Variants in MAPK8IP3 observed in about 807,000 individuals in gnomAD.
MAPK8IP3 encodes the protein C-Jun-amino-terminal kinase-interacting protein 3.
Under a neutral mutation model 157.8 loss-of-function variants are expected in MAPK8IP3, and 49 were observed. That is an observed-to-expected ratio of 0.31 (90% CI 0.25 to 0.39). The LOEUF is 0.39. Among genes scored for constraint, MAPK8IP3 ranks in the 10% least tolerant of loss-of-function variants. MAPK8IP3 has a pLI of 1.00. For missense variants in MAPK8IP3, 1,478 were observed against 1,889.4 expected (o/e 0.78, Z 4.04); for synonymous variants, 897 against 777.7 (o/e 1.15, Z -2.55).
chr16:1,759,119 GC>G, intron 10 of MAPK8IP3, 124 bp downstream of exon 10: 1 of 1,301,072 alleles, frequency 7.7e-7, no homozygotes, highest in East Asian at 2.4e-5. Context: ...GGTCAGGGGG[GC>G]AGCCCTGAGT....
chr16:1,757,913 C>T (rs2041707136), intron 8 of MAPK8IP3, among the ~76,000 whole-genome samples: 1 of 152,246 alleles, frequency 6.6e-6, no homozygotes, highest in Non-Finnish European at 1.5e-5. Context: ...GGCTCGGCAA[C>T]ACAGCCCTGG....
At chr16:1,759,072 T>C in intron 10 of MAPK8IP3, 77 bp downstream of exon 10, 2 of 1,584,772 alleles carry the variant, frequency 1.3e-6, no homozygotes, top group Non-Finnish European at 8.7e-7. Flanking sequence ...GCCGTTTGCT[T>C]TGTTCTGCAT....
chr16:1,767,170 A>G lies in MAPK8IP3; in HGVS notation c.3110A>G (p.Asn1037Ser), dbSNP rs1204259108. 6.2e-7 allele frequency: 1 copy of G among 1,613,180 alleles called. No individual in the cohort carries two copies. Among genetic ancestry groups the G allele is most frequent in the Non-Finnish European group, 8.5e-7 (1 of 1,180,000 alleles). The change falls in exon 26 of 32, where the codon AAC becomes AGC. Residue 1037 changes from asparagine (N) to serine (S), a missense_variant. Transcript: ENST00000610761. ...RGEDGQWDLSNYHLMDLGHPH... is the reference protein window; with the variant it reads ...RGEDGQWDLSSYHLMDLGHPH... ...CCAGATGGCCAGTGGGATCTGAGCA[A>G]CTATCACCTAATGGACCTGGGCCAC...
chr16:1,763,552 G>C (rs940095812), intron 16 of MAPK8IP3, 105 bp from the exon 17 acceptor site: 3 of 1,348,340 alleles, frequency 2.2e-6, no homozygotes, highest in Non-Finnish European at 2.9e-6. Context: ...GGCGAGGATG[G>C]GCCCAGGCGG....
Position 1,706,204 on chromosome 16 carries a change from AGCG to A in MAPK8IP3, c.-125_-123del. The A allele has an allele frequency of 4.4e-5, 29 of 658,864 alleles. No individual in the cohort carries two copies. The highest frequency in any genetic ancestry group is 5.2e-5 in the Non-Finnish European group (24 of 464,546). The allele number at this position is 658,864 out of a possible 1,614,324, so 40.8% of individuals were successfully genotyped here. On this transcript the variant is annotated 5_prime_UTR_variant, in exon 1 of 32. Coordinates refer to ENST00000610761, the MANE Select transcript of MAPK8IP3 (RefSeq NM_001318852.2). The surrounding 1 kb of genome is among the most constrained non-coding windows in gnomAD (Gnocchi z 5.1). Reference sequence around the variant, plus strand: ...AGTGAGTGACGGGCGCAGCCTCGGCAGCGGCGGCGGCGGAGCCCTGAGGCGACA... The same window carrying A: ...AGTGAGTGACGGGCGCAGCCTCGGCAGCGGCGGCGGAGCCCTGAGGCGACA...
chr16:1,762,363 A>G lies in MAPK8IP3; in HGVS notation c.1552A>G (p.Met518Val), dbSNP rs752208212. 6.3e-7 allele frequency: 1 copy of G among 1,576,364 alleles called. No homozygotes were observed. Among genetic ancestry groups the G allele is most frequent in the Non-Finnish European group, 8.6e-7 (1 of 1,161,386 alleles). The change falls in exon 14 of 32, where the codon ATG becomes GTG. Residue 518 changes from methionine to valine, a missense_variant. Physicochemically the swap from Met to Val is conservative, Grantham distance 21. This residue lies in a region of MAPK8IP3 where 96 missense variants were observed against 106.3 expected (regional missense o/e 0.90). Transcript: ENST00000610761. Reference protein sequence around the residue: ...YLCTESDKIPMAQRRRFTRVE... With the variant: ...YLCTESDKIPVAQRRRFTRVE... ...CCTCCCTCCGCAGGACAAAATCCCCATGGCCCAGCGCCGCCGCTTCACGCG... is the reference window on the plus strand; with the variant it reads ...CCTCCCTCCGCAGGACAAAATCCCCGTGGCCCAGCGCCGCCGCTTCACGCG...
chr16:1,768,418 G>C lies in MAPK8IP3; in HGVS notation c.3742+40G>C. 1.9e-6 allele frequency: 3 copies of C among 1,596,796 alleles called. No homozygotes were observed. In the South Asian group the frequency reaches 3.3e-5, roughly 18 times the overall value. On this transcript the variant is annotated intron_variant, in intron 30 of 31. Transcript: ENST00000610761. The stretch of plus-strand genomic sequence containing the variant: ...CTCCTGCCATCCACATCCCCTGCAT[G>C]CCAGTGGCCGCCGCCTCCCCCAGGA...
chr16:1,759,812 C>T (rs1402538668), intron 10 of MAPK8IP3, 146 bp from the exon 11 acceptor site: 7 of 706,068 alleles, frequency 9.9e-6, no homozygotes, highest in Non-Finnish European at 1.7e-5. Context: ...GAGCCCCGCC[C>T]TTCACGGCCC....
rs548512625 is a variant in MAPK8IP3 at position 1,743,835 on chromosome 16, C to A, written c.747+359C>A. The stretch of plus-strand genomic sequence containing the variant: ...CCCCACATAAAGCCTCATGCTCACC[C>A]GGGCTCCAGCCAGACACATCCTGCC... On this transcript the variant is annotated intron_variant, in intron 5 of 31. Coordinates refer to ENST00000610761, the MANE Select transcript of MAPK8IP3 (RefSeq NM_001318852.2). The surrounding 1 kb of genome is among the most constrained non-coding windows in gnomAD (Gnocchi z 5.6). The A allele has an allele frequency of 1.2e-5, 13 of 1,130,268 alleles. No individual in the cohort carries two copies. Among genetic ancestry groups the A allele is most frequent in the Non-Finnish European group, 1.2e-5 (11 of 919,942 alleles). 70.0% of individuals were successfully genotyped at this position (1,130,268 alleles called of 1,614,324 possible). A position where few individuals can be genotyped will look rare whatever the true frequency, so the allele number is the denominator to read the frequency against.
At chr16:1,757,407 G>C (rs1339361352) in intron 8 of MAPK8IP3, among the ~76,000 whole-genome samples, 1 of 152,148 alleles carries the variant, frequency 6.6e-6, no homozygotes, top group Non-Finnish European at 1.5e-5. Flanking sequence ...CCCTGCTCAA[G>C]TGACTTTTTA....
chr16:1,767,088 G>T lies in MAPK8IP3; in HGVS notation c.3089-61G>T. Reference sequence around the variant, plus strand: ...AGTCTGGCAGTGGGTGTCTCAACCCGATGCCCTGAGCAGAGGTGGGGCCTG... The same window carrying T: ...AGTCTGGCAGTGGGTGTCTCAACCCTATGCCCTGAGCAGAGGTGGGGCCTG... On this transcript the variant is annotated intron_variant, in intron 25 of 31. Coordinates refer to ENST00000610761, the MANE Select transcript of MAPK8IP3 (RefSeq NM_001318852.2). 4 of 1,597,656 alleles carry T rather than the reference G, an allele frequency of 2.5e-6. No homozygotes were observed. The South Asian group carries it at 4.5e-5, about 18-fold the overall frequency.
rs569635318 is a variant in MAPK8IP3, at chr16:1,766,534, A to C, written c.2825A>C (p.Asn942Thr). 1.2e-5 allele frequency: 20 copies of C among 1,611,564 alleles called. 1 individual carries two copies. Among genetic ancestry groups the C allele is most frequent in the African/African-American group, 5.3e-5 (4 of 75,026 alleles). Residue 942 changes from asparagine (N) to threonine (T), a missense_variant, in exon 23 of 32, where the codon AAC becomes ACC. Transcript: ENST00000610761. ...AGCCACCGTTCTTCCTGCAGCGAGA[A>C]CGGGCCAGAGCCTGACAGCAGCAGC... is the stretch of plus-strand genomic sequence containing the variant. ...PSSGPQPGSE[N>T]GPEPDSSSTR...
intron 4 of MAPK8IP3, among the ~76,000 whole-genome samples, chr16:1,739,113 TG>T (rs2141825632): frequency 7.3e-6 from 1 of 137,626 alleles, no homozygotes; most frequent in African/African-American, 2.8e-5. Flanking sequence ...ACCGTCTGTG[TG>T]AGCATCCGTG....
chr16:1,767,252 C>T lies in MAPK8IP3; in HGVS notation c.3192C>T (p.Tyr1064=), dbSNP rs530957398. The T allele has an allele frequency of 7.4e-6, 12 of 1,613,274 alleles. No individual in the cohort carries two copies. Among genetic ancestry groups the T allele is most frequent in the Non-Finnish European group, 9.3e-6 (11 of 1,179,996 alleles). The change falls in exon 26 of 32, where the codon TAC becomes TAT. Residue 1064 remains tyrosine (Y), a synonymous_variant. Transcript: ENST00000610761. ...TGTACGACCGCGTGTGGTGTGGCTA[C>T]AAGAACAAGGTGCACGTCATCCAGC... ...AVVYDRVWCG[Y]KNKVHVIQPK... is the part of the protein sequence containing the mutation.
In MAPK8IP3 at chr16:1,765,261, C is replaced by T. The variant is rs528931157; in HGVS notation, c.2446+83C>T. 23 of 1,458,490 alleles carry T rather than the reference C, an allele frequency of 1.6e-5. No individual in the cohort carries two copies. The African/African-American group carries it at 2.1e-4, about 13-fold the overall frequency. The allele number at this position is 1,458,490 out of a possible 1,614,324, so 90.3% of individuals were successfully genotyped here. A position where few individuals can be genotyped will look rare whatever the true frequency, so the allele number is the denominator to read the frequency against. On this transcript the variant is annotated intron_variant, in intron 20 of 31. Coordinates refer to ENST00000610761, the MANE Select transcript of MAPK8IP3 (RefSeq NM_001318852.2). ...AAGTAAAAGCCCTGCCACACAGCAG[C>T]TGCCTTCTCGGGGTGTCCTGTGGAC...
At chr16:1,755,082 A>G (rs1455080289) in intron 8 of MAPK8IP3, among the ~76,000 whole-genome samples, 1 of 152,212 alleles carries the variant, frequency 6.6e-6, no homozygotes, top group Non-Finnish European at 1.5e-5. Flanking sequence ...GGGGAGAGAA[A>G]AAGCTTGCAG....
At chr16:1,748,870 GA>G (rs1380768785) in intron 8 of MAPK8IP3, 150 bp downstream of exon 8, 1 of 791,266 alleles carries the variant, frequency 1.3e-6, no homozygotes, top group Non-Finnish European at 2.2e-6. Context: ...GTTTCACATG[GA>G]ATTGTCCCTC....
chr16:1,758,902 G>GCTTCT, intron 9 of MAPK8IP3, 76 bp from the exon 10 acceptor site: 1 of 1,521,400 alleles, frequency 6.6e-7, no homozygotes, highest in Non-Finnish European at 9.1e-7. Context: ...GGCTTAACGC[G>GCTTCT]CTTCTCTTCT....
Position 1,740,898 on chromosome 16 carries a change from A to G in MAPK8IP3, c.603-2434A>G, listed in dbSNP as rs540237553. On this transcript the variant is annotated intron_variant, in intron 4 of 31. Transcript: ENST00000610761. ...CGAGACTGACACTGAGAAGGTGGCG[A>G]CCACTGGGTCCCCTGCACAGCCATG... 7.2e-5 allele frequency among the ~76,000 whole-genome samples: 11 copies of G among 152,258 alleles called. No individual in the cohort carries two copies. In the East Asian group the frequency reaches 2.1e-3, roughly 29 times the overall value.
Sources: gnomAD v4.1 joint callset for allele counts (sites outside exome capture counted in the v4.1 genomes callset) on GRCh38, gnomAD v4.1.1 for gene constraint, gnomAD v4.1.1 regional missense constraint, Gnocchi (gnomAD v3.1) non-coding constraint, MANE v1.5 for transcripts, NCBI Gene and HGNC (gene_info 2026-07-23, HGNC 2026-07-21) for gene names.